Variants in PDE12 observed in about 807,000 individuals in gnomAD.
The protein encoded by PDE12 is 2',5'-phosphodiesterase 12.
PDE12 carries 26 observed loss-of-function variants against 45.4 expected under a neutral mutation model. The ratio of observed to expected loss-of-function variants is 0.57; its 90% CI spans 0.42 to 0.79. The LOEUF is 0.79. PDE12 is among the 30% of genes least tolerant of loss of function. The pLI is 0.00. For missense variants in PDE12, 668 were observed against 790.0 expected (o/e 0.85, Z 1.85); for synonymous variants, 283 against 323.9 (o/e 0.87, Z 1.36).
At chr3:57,646,588 G>T in the PDE12 span, 1 of 1,166,480 alleles carries the variant, frequency 8.6e-7, no homozygotes, top group Non-Finnish European at 1.2e-6. Context: ...TTAGAATATG[G>T]TGATGTATAG....
Position 57,557,470 on chromosome 3 carries a change from C to T in PDE12, c.1091C>T (p.Ala364Val). Residue 364 changes from alanine (A) to valine (V), a missense_variant, in exon 1 of 3, where the codon GCC (alanine) becomes GTC (valine). By Grantham distance (64) the Ala-to-Val change is moderately conservative. This residue lies in a region of PDE12 where 580 missense variants were observed against 662.9 expected (regional missense o/e 0.87). Coordinates refer to ENST00000311180, the MANE Select transcript of PDE12 (RefSeq NM_177966.7). ...GTGTTTTCTGACAGCTTGGTACCCG[C>T]CCTAGAGGCCTTCGGGCTCGAGGGG... Reference protein sequence around the residue: ...RAVFSDSLVPALEAFGLEGVF... With the variant: ...RAVFSDSLVPVLEAFGLEGVF... The T allele has an allele frequency of 6.2e-7, 1 of 1,614,044 alleles. No homozygotes were observed. The highest frequency in any genetic ancestry group is 8.5e-7 in the Non-Finnish European group (1 of 1,180,032).
the PDE12 span, among the ~76,000 whole-genome samples, chr3:57,613,334 C>T: frequency 1.4e-5 from 2 of 148,118 alleles, no homozygotes; most frequent in Non-Finnish European, 3.0e-5. Context: ...TACTCTGTCA[C>T]CCAGGCTAGA....
At chr3:57,596,696 T>A in the PDE12 span, 1 of 220,052 alleles carries the variant, frequency 4.5e-6, no homozygotes, top group South Asian at 5.5e-5. Context: ...TCCTGACCGC[T>A]GTCCACACCC....
At chr3:57,639,007 A>AGGAT in the PDE12 span, among the ~76,000 whole-genome samples, 1 of 152,196 alleles carries the variant, frequency 6.6e-6, no homozygotes, top group Non-Finnish European at 1.5e-5. Flanking sequence ...CTGAGGCAGA[A>AGGAT]GGATCACTTG....
the PDE12 span, among the ~76,000 whole-genome samples, chr3:57,580,609 T>A: frequency 6.6e-6 from 1 of 151,892 alleles, no homozygotes; most frequent in South Asian, 2.1e-4. Flanking sequence ...GGTTTCACTC[T>A]GTTGCCTGGA....
the PDE12 span, among the ~76,000 whole-genome samples, chr3:57,648,958 G>C: frequency 6.6e-6 from 1 of 152,074 alleles, no homozygotes; most frequent in East Asian, 1.9e-4. Context: ...ATAAACCTAG[G>C]CAAAGACTTC....
At chr3:57,578,646 A>T in the PDE12 span, among the ~76,000 whole-genome samples, 1 of 151,774 alleles carries the variant, frequency 6.6e-6, no homozygotes, top group Admixed American at 6.6e-5. Context: ...CACCTAGCTA[A>T]TTTTTCTATT....
At chr3:57,625,389 T>C in the PDE12 span, 1 of 152,604 alleles carries the variant, frequency 6.6e-6, no homozygotes, top group African/African-American at 2.4e-5. Flanking sequence ...AATGACGAGT[T>C]TCATTAACTA....
chr3:57,572,939 A>C, the PDE12 span, among the ~76,000 whole-genome samples: 1 of 151,694 alleles, frequency 6.6e-6, no homozygotes, highest in Non-Finnish European at 1.5e-5. Flanking sequence ...GTGGTGGCTC[A>C]CACCTGTAAT....
chr3:57,651,630 T>C, the PDE12 span, among the ~76,000 whole-genome samples: 1 of 151,952 alleles, frequency 6.6e-6, no homozygotes, highest in South Asian at 2.1e-4. Context: ...TAGTGAATTG[T>C]ACTTTAAAAG....
At chr3:57,632,908 A>C in the PDE12 span, among the ~76,000 whole-genome samples, 1 of 152,256 alleles carries the variant, frequency 6.6e-6, no homozygotes, top group Non-Finnish European at 1.5e-5. Flanking sequence ...TATCAGAAAG[A>C]AGCTCTACTA....
At chr3:57,647,380 T>C in the PDE12 span, among the ~76,000 whole-genome samples, 589 of 152,082 alleles carry the variant, frequency 3.9e-3, 3 homozygotes, top group Non-Finnish European at 5.0e-3. Flanking sequence ...AAGCAGAACA[T>C]GGTAGGTATC....
the PDE12 span, among the ~76,000 whole-genome samples, chr3:57,576,878 T>C: frequency 6.6e-6 from 1 of 152,142 alleles, no homozygotes; most frequent in Admixed American, 6.6e-5. Flanking sequence ...GAAGTAATTA[T>C]TGGCACAGCA....
the PDE12 span, among the ~76,000 whole-genome samples, chr3:57,655,270 T>C: frequency 6.6e-6 from 1 of 152,158 alleles, no homozygotes; most frequent in Non-Finnish European, 1.5e-5. Flanking sequence ...CCTGACCTCA[T>C]GATCCGCCCG....
At chr3:57,598,158 T>C in the PDE12 span, 1 of 152,156 alleles carries the variant, frequency 6.6e-6, no homozygotes, top group Non-Finnish European at 1.5e-5. Flanking sequence ...TAAAAGTGTT[T>C]ATGATCGGGC....
chr3:57,578,313 G>A, the PDE12 span, among the ~76,000 whole-genome samples: 399 of 151,516 alleles, frequency 2.6e-3, 1 homozygote, highest in African/African-American at 9.2e-3. Context: ...CCAGCACTAT[G>A]GGAAGCCAAG....
At chr3:57,628,949 AT>A in the PDE12 span, 1 of 1,434,244 alleles carries the variant, frequency 7.0e-7, no homozygotes, top group Non-Finnish European at 9.6e-7. Context: ...CTCTATTTCA[AT>A]AGGTAAGGCT....
chr3:57,576,946 G>T, the PDE12 span, among the ~76,000 whole-genome samples: 8 of 151,888 alleles, frequency 5.3e-5, no homozygotes, highest in East Asian at 1.4e-3. Context: ...GATTCCTAGG[G>T]TCAAAACCAC....
At chr3:57,571,746 T>A (rs927264086), downstream of PDE12, 1 of 158,830 alleles carries the variant, frequency 6.3e-6, no homozygotes, top group Non-Finnish European at 1.4e-5. Flanking sequence ...GTTTTGGATC[T>A]TTCTCTGGCT....
Sources: allele counts gnomAD v4.1 joint callset (sites outside exome capture counted in the v4.1 genomes callset), GRCh38; gene constraint gnomAD v4.1.1; regional missense constraint gnomAD v4.1.1; transcripts MANE v1.5; gene names NCBI Gene and HGNC (gene_info 2026-07-23, HGNC 2026-07-21).